DIAPH3: variants seen among roughly 807,000 people sequenced by gnomAD.
The protein encoded by DIAPH3 is diaphanous related formin 3.
Under a neutral mutation model 144.3 loss-of-function variants are expected in DIAPH3, and 117 were observed. That is an observed-to-expected ratio of 0.81 (90% CI 0.70 to 0.95). The LOEUF is 0.95. DIAPH3 is among the 40% of genes least tolerant of loss of function. The pLI is 0.00. For synonymous variants in DIAPH3, 519 were observed against 488.9 expected (o/e 1.06, Z -0.81); for missense variants, 1,421 against 1,412.7 (o/e 1.01, Z -0.09).
At chr13:60,139,883 A>G (rs1469888313) in intron 1 of DIAPH3, among the ~76,000 whole-genome samples, 2 of 152,212 alleles carry the variant, frequency 1.3e-5, no homozygotes, top group Admixed American at 1.3e-4. Flanking sequence ...CTTTTCACCT[A>G]TACTACCAGA....
At chr13:59,779,591 A>G (rs1191115198) in intron 25 of DIAPH3, among the ~76,000 whole-genome samples, 1 of 151,422 alleles carries the variant, frequency 6.6e-6, no homozygotes, top group East Asian at 1.9e-4. Context: ...AGCTCACAGC[A>G]ACCTCTGCCT....
chr13:59,974,438 C>T lies in DIAPH3; in HGVS notation c.1564G>A (p.Asp522Asn), dbSNP rs781527819. ...AATTCAGCCTGAGTTTCTTGGTGGT[C>T]GGTAAACTCTTTTTCAAACTGAAAC... ...LYKKFEKEFT[D>N]HQETQAELQK... is the part of the protein sequence containing the mutation. Residue 522 changes from aspartate to asparagine, a missense_variant, in exon 15 of 28, where the codon GAC becomes AAC. Transcript: ENST00000400324. The T allele has an allele frequency of 1.4e-5, 22 of 1,610,338 alleles. No individual in the cohort carries two copies. The highest frequency in any genetic ancestry group is 3.3e-4 in the Middle Eastern group (2 of 6,074).
chr13:60,095,992 T>C (rs2058094530), intron 3 of DIAPH3, among the ~76,000 whole-genome samples: 1 of 152,204 alleles, frequency 6.6e-6, no homozygotes, highest in Admixed American at 6.5e-5. Context: ...TTCAAGAGTA[T>C]GAATTTACTA....
chr13:60,113,474 G>C (rs900812280), intron 2 of DIAPH3, among the ~76,000 whole-genome samples: 1 of 152,152 alleles, frequency 6.6e-6, no homozygotes, highest in African/African-American at 2.4e-5. Context: ...TGAAGATAAT[G>C]TCTAGGAAAA....
rs145894775 is a variant in DIAPH3, at chr13:59,784,709, C to T, written c.3164-9886G>A. Among the ~76,000 whole-genome samples the T allele has an allele frequency of 3.2e-4, 49 of 152,090 alleles. No homozygotes were observed. The East Asian group carries it at 8.7e-3, about 27-fold the overall frequency. ...CTAATATTTCAGTAGTAGTAAGTGA[C>T]GTGAAGATTACAATCTGGAATTTGG... is the stretch of plus-strand genomic sequence containing the variant. On this transcript the variant is annotated intron_variant, in intron 25 of 27. Transcript: ENST00000400324.
At chr13:59,709,839 C>T (rs2034636436) in intron 27 of DIAPH3, among the ~76,000 whole-genome samples, 1 of 152,058 alleles carries the variant, frequency 6.6e-6, no homozygotes. Context: ...AGACTTGGAA[C>T]CAACCCAAAT....
intron 27 of DIAPH3, among the ~76,000 whole-genome samples, chr13:59,689,655 T>C (rs75556230): frequency 0.044 from 6,682 of 152,052 alleles, 226 homozygotes; most frequent in South Asian, 0.1. Context: ...CAGAAGTTGG[T>C]TTCCACGCTG....
chr13:59,686,927 TAA>T (rs1412461381), intron 27 of DIAPH3, among the ~76,000 whole-genome samples: 2 of 152,076 alleles, frequency 1.3e-5, no homozygotes, highest in Admixed American at 1.3e-4. Context: ...TCATGGTATA[TAA>T]AACAGTAACG....
At chr13:59,732,016 G>A (rs528819885) in intron 27 of DIAPH3, among the ~76,000 whole-genome samples, 11 of 152,154 alleles carry the variant, frequency 7.2e-5, no homozygotes, top group African/African-American at 1.4e-4. Flanking sequence ...ATTAGTTTAC[G>A]GATTAGATTA....
At chr13:59,992,252 C>T in intron 10 of DIAPH3, 66 bp from the exon 11 acceptor site, 1 of 1,352,754 alleles carries the variant, frequency 7.4e-7, no homozygotes, top group Non-Finnish European at 1.0e-6. Flanking sequence ...GAATAAAAAA[C>T]ATATAAACAA....
chr13:59,730,963 T>C (rs2035865157), intron 27 of DIAPH3, among the ~76,000 whole-genome samples: 1 of 152,186 alleles, frequency 6.6e-6, no homozygotes, highest in Non-Finnish European at 1.5e-5. Flanking sequence ...CTAATTTCTC[T>C]AACTGCTTGC....
chr13:59,736,432 C>G (rs1368322699), intron 27 of DIAPH3, among the ~76,000 whole-genome samples: 2 of 152,170 alleles, frequency 1.3e-5, no homozygotes, highest in Non-Finnish European at 2.9e-5. Flanking sequence ...TTTTTCTCCA[C>G]AACCTCACCA....
intron 24 of DIAPH3, among the ~76,000 whole-genome samples, chr13:59,827,489 A>G (rs1200213836): frequency 2.0e-5 from 3 of 152,090 alleles, no homozygotes. Context: ...CATTAGGAAG[A>G]ATTTCTTTAA....
intron 27 of DIAPH3, among the ~76,000 whole-genome samples, chr13:59,714,686 T>C (rs1021848821): frequency 1.3e-4 from 20 of 152,238 alleles, no homozygotes; most frequent in Admixed American, 3.9e-4. Context: ...ATCCTGTCTA[T>C]ATCAGTTAGG....
chr13:59,922,990 C>T (rs1273572310), intron 18 of DIAPH3, among the ~76,000 whole-genome samples: 1 of 152,088 alleles, frequency 6.6e-6, no homozygotes, highest in African/African-American at 2.4e-5. Flanking sequence ...ACTGTTAATG[C>T]TAATACCCAC....
At chr13:60,016,185 C>T (rs769881447) in intron 5 of DIAPH3, 40 bp from the exon 6 acceptor site, 58 of 1,576,640 alleles carry the variant, frequency 3.7e-5, no homozygotes, top group Non-Finnish European at 4.1e-5. Context: ...TTGTCAGTAA[C>T]GCAGCTTGTG....
intron 17 of DIAPH3, among the ~76,000 whole-genome samples, chr13:59,954,852 T>C (rs926649055): frequency 6.6e-6 from 1 of 151,952 alleles, no homozygotes; most frequent in African/African-American, 2.4e-5. Context: ...AACTCAATCA[T>C]GAGGCAGCAC....
At position 60,163,490 on chromosome 13, in the gene DIAPH3, A is replaced by G. The variant is rs183948093; in HGVS notation, c.180+97T>C. ...TCTTTGGCACCTCTGGATCTCTAGA[A>G]TAAAACTTGGTCCCCAAGTTCTTGT... On this transcript the variant is annotated intron_variant, in intron 1 of 27. Coordinates refer to ENST00000400324, the MANE Select transcript of DIAPH3 (RefSeq NM_001042517.2). 4.4e-4 allele frequency: 666 copies of G among 1,526,252 alleles called. 3 individuals are homozygous for G. The African/African-American group carries it at 7.5e-3, about 17-fold the overall frequency. 94.5% of individuals were successfully genotyped at this position (1,526,252 alleles called of 1,614,324 possible). A position where few individuals can be genotyped will look rare whatever the true frequency, so the allele number is the denominator to read the frequency against.
At chr13:59,892,091 AG>A (rs1566476476) in intron 20 of DIAPH3, among the ~76,000 whole-genome samples, 1 of 152,024 alleles carries the variant, frequency 6.6e-6, no homozygotes, top group Non-Finnish European at 1.5e-5. Flanking sequence ...CAGAGGGAGA[AG>A]GGGAGAAAAA....
Sources: allele counts gnomAD v4.1 joint callset (sites outside exome capture counted in the v4.1 genomes callset), GRCh38; gene constraint gnomAD v4.1.1; transcripts MANE v1.5; gene names NCBI Gene and HGNC (gene_info 2026-07-23, HGNC 2026-07-21).